The following PRKAA2 variants were observed in gnomAD, a reference collection of about 807,000 sequenced individuals.
PRKAA2 encodes the protein protein kinase AMP-activated catalytic subunit alpha 2, also known as 5'-AMP-activated protein kinase catalytic subunit alpha-2.
PRKAA2 carries 40 observed loss-of-function variants against 56.3 expected under a neutral mutation model. The ratio of observed to expected loss-of-function variants is 0.71; its 90% CI spans 0.55 to 0.92. The LOEUF is 0.92. Ranked by LOEUF, PRKAA2 falls within the 40% of genes least tolerant of loss-of-function variation. The pLI, the probability that PRKAA2 is intolerant of heterozygous loss-of-function variation, is 0.00. For synonymous variants in PRKAA2, 214 were observed against 234.2 expected (o/e 0.91, Z 0.79); for missense variants, 542 against 686.9 (o/e 0.79, Z 2.36).
rs1644386913 is a variant in PRKAA2, at chr1:56,713,874, A to G, written c.*6161A>G. On this transcript the variant is annotated 3_prime_UTR_variant, in exon 9 of 9. Coordinates refer to ENST00000371244, the MANE Select transcript of PRKAA2 (RefSeq NM_006252.4). ...AAAAAAAAAAAAAAAAAAAAACACTAAATTGTGCCTTCTCCCTTAAATTAT... is the reference window on the plus strand; with the variant it reads ...AAAAAAAAAAAAAAAAAAAAACACTGAATTGTGCCTTCTCCCTTAAATTAT... 6.7e-6 allele frequency: 1 copy of G among 148,864 alleles called. No homozygotes were observed. The highest frequency in any genetic ancestry group is 1.5e-5 in the Non-Finnish European group (1 of 67,370). The allele number at this position is 148,864 out of a possible 1,614,324, so 9.2% of individuals were successfully genotyped here.
At chr1:56,681,043 C>T (rs1189893226) in intron 2 of PRKAA2, among the ~76,000 whole-genome samples, 15 of 152,026 alleles carry the variant, frequency 9.9e-5, no homozygotes, top group Middle Eastern at 3.2e-3. Flanking sequence ...TTTTAATGAT[C>T]GCCATTCTAA....
At chr1:56,653,694 T>C (rs1329793697) in intron 1 of PRKAA2, among the ~76,000 whole-genome samples, 1 of 152,170 alleles carries the variant, frequency 6.6e-6, no homozygotes, top group Non-Finnish European at 1.5e-5. Context: ...GAGAATAATC[T>C]GTGATCTGGT....
intron 1 of PRKAA2, among the ~76,000 whole-genome samples, chr1:56,663,585 T>G (rs1293791694): frequency 2.0e-5 from 3 of 152,238 alleles, no homozygotes; most frequent in Admixed American, 6.5e-5. Context: ...TCTGCTCTTG[T>G]CTGCAGCTGA....
chr1:56,697,545 C>T (rs979569294), intron 6 of PRKAA2, among the ~76,000 whole-genome samples: 1 of 152,066 alleles, frequency 6.6e-6, no homozygotes. Context: ...TAAAAATGAA[C>T]TTAGCAGGAA....
chr1:56,672,508 C>T (rs995559786), intron 1 of PRKAA2, among the ~76,000 whole-genome samples: 6 of 152,060 alleles, frequency 3.9e-5, no homozygotes, highest in Non-Finnish European at 7.4e-5. Flanking sequence ...AGGTCACTGG[C>T]ATATGGGTGA....
chr1:56,696,017 G>A lies in PRKAA2; in HGVS notation c.646G>A (p.Asp216Asn), dbSNP rs1644256529. Residue 216 changes from aspartate (D) to asparagine (N), a missense_variant, in exon 6 of 9, where the codon GAT (aspartate) becomes AAT (asparagine). By Grantham distance (23) the Asp-to-Asn change is conservative. This residue lies in a region of PRKAA2 where 198 missense variants were observed against 234.0 expected (regional missense o/e 0.85). Transcript: ENST00000371244. Reference protein sequence around the residue: ...ALLCGTLPFDDEHVPTLFKKI... With the variant: ...ALLCGTLPFDNEHVPTLFKKI... ...TCTTTGTGGCACCCTCCCATTTGAT[G>A]ATGAGCATGTACCTACGTTATTTAA... is the stretch of plus-strand genomic sequence containing the variant. 1 of 1,612,016 alleles carries A rather than the reference G, an allele frequency of 6.2e-7. No individual in the cohort carries two copies. Among genetic ancestry groups the A allele is most frequent in the Admixed American group, 1.7e-5 (1 of 59,594 alleles).
chr1:56,657,712 G>A (rs533934005), intron 1 of PRKAA2, among the ~76,000 whole-genome samples: 49 of 152,104 alleles, frequency 3.2e-4, no homozygotes, highest in African/African-American at 1.2e-3. Flanking sequence ...TCCAGCCTGG[G>A]TGACAGAGCA....
At chr1:56,663,686 C>A (rs1210569452) in intron 1 of PRKAA2, among the ~76,000 whole-genome samples, 3 of 152,184 alleles carry the variant, frequency 2.0e-5, no homozygotes, top group Non-Finnish European at 4.4e-5. Flanking sequence ...AATCGATTGA[C>A]ATGCCTATGA....
chr1:56,671,982 C>G (rs1162872098), intron 1 of PRKAA2, among the ~76,000 whole-genome samples: 1 of 152,148 alleles, frequency 6.6e-6, no homozygotes, highest in African/African-American at 2.4e-5. Context: ...TAAAATATGA[C>G]TCCAAGAAAT....
Position 56,708,355 on chromosome 1 carries a change from G to A in PRKAA2, c.*642G>A, listed in dbSNP as rs1265311558. ...TTAAAAACAGCTGTAACTAACTCAG[G>A]ATTTTTATCTTGAGATTTCCCTGAA... On this transcript the variant is annotated 3_prime_UTR_variant, in exon 9 of 9. Coordinates refer to ENST00000371244, the MANE Select transcript of PRKAA2 (RefSeq NM_006252.4). 2 of 152,020 alleles carry A rather than the reference G, an allele frequency of 1.3e-5. No individual in the cohort carries two copies. Among genetic ancestry groups the A allele is most frequent in the Non-Finnish European group, 2.9e-5 (2 of 68,004 alleles). The allele number at this position is 152,020 out of a possible 1,614,324, so 9.4% of individuals were successfully genotyped here. A position where few individuals can be genotyped will look rare whatever the true frequency, so the allele number is the denominator to read the frequency against.
chr1:56,652,854 T>C (rs983110937), intron 1 of PRKAA2, among the ~76,000 whole-genome samples: 2 of 152,174 alleles, frequency 1.3e-5, no homozygotes, highest in African/African-American at 2.4e-5. Flanking sequence ...CACACCAACA[T>C]TGAGATAGAG....
chr1:56,645,383 C>A lies in PRKAA2; in HGVS notation c.-5C>A. 1 of 1,475,646 alleles carries A rather than the reference C, an allele frequency of 6.8e-7. No individual in the cohort carries two copies. Among genetic ancestry groups the A allele is most frequent in the Non-Finnish European group, 9.0e-7 (1 of 1,105,084 alleles). 91.4% of individuals were successfully genotyped at this position (1,475,646 alleles called of 1,614,324 possible). A position where few individuals can be genotyped will look rare whatever the true frequency, so the allele number is the denominator to read the frequency against. Reference sequence around the variant, plus strand: ...GGCGGTGGAGCGAGGCCGCGCGCGCCGAAGATGGCTGAGAAGCAGAAGCAC... The same window carrying A: ...GGCGGTGGAGCGAGGCCGCGCGCGCAGAAGATGGCTGAGAAGCAGAAGCAC... On this transcript the variant is annotated 5_prime_UTR_variant, in exon 1 of 9. Transcript: ENST00000371244.
At chr1:56,682,795 G>A (rs1324216357) in intron 2 of PRKAA2, among the ~76,000 whole-genome samples, 1 of 152,190 alleles carries the variant, frequency 6.6e-6, no homozygotes, top group African/African-American at 2.4e-5. Flanking sequence ...GGCTAATACA[G>A]TAGCCAGTGG....
At chr1:56,681,321 A>T (rs1020024137) in intron 2 of PRKAA2, among the ~76,000 whole-genome samples, 63 of 152,202 alleles carry the variant, frequency 4.1e-4, no homozygotes, top group Non-Finnish European at 6.2e-4. Flanking sequence ...ATTCACTCTG[A>T]TGGTAGTTTC....
Position 56,715,097 on chromosome 1 carries a change from G to C in PRKAA2, c.*7384G>C, listed in dbSNP as rs1644397032. 6.6e-6 allele frequency: 1 copy of C among 151,974 alleles called. No homozygotes were observed. The highest frequency in any genetic ancestry group is 1.5e-5 in the Non-Finnish European group (1 of 67,984). 9.4% of individuals were successfully genotyped at this position (151,974 alleles called of 1,614,324 possible). A position where few individuals can be genotyped will look rare whatever the true frequency, so the allele number is the denominator to read the frequency against. On this transcript the variant is annotated 3_prime_UTR_variant, in exon 9 of 9. Coordinates refer to ENST00000371244, the MANE Select transcript of PRKAA2 (RefSeq NM_006252.4). Reference sequence around the variant, plus strand: ...TCCGATTCAAATTTCAGTTTTGTTTGTTATATACTTTTTGTGAGTGTTAAA... The same window carrying C: ...TCCGATTCAAATTTCAGTTTTGTTTCTTATATACTTTTTGTGAGTGTTAAA...
At chr1:56,658,117 G>A (rs1023987686) in intron 1 of PRKAA2, among the ~76,000 whole-genome samples, 1 of 152,156 alleles carries the variant, frequency 6.6e-6, no homozygotes, top group Admixed American at 6.5e-5. Flanking sequence ...GATGCATGTT[G>A]TAATATCTGG....
chr1:56,653,307 T>A (rs945381774), intron 1 of PRKAA2, among the ~76,000 whole-genome samples: 1 of 150,870 alleles, frequency 6.6e-6, no homozygotes, highest in African/African-American at 2.4e-5. Flanking sequence ...TTGAATTGTG[T>A]CCTTAATATC....
intron 1 of PRKAA2, among the ~76,000 whole-genome samples, chr1:56,652,205 G>T (rs1480963192): frequency 1.3e-5 from 2 of 151,988 alleles, no homozygotes; most frequent in Non-Finnish European, 2.9e-5. Context: ...TAGAGATGGG[G>T]TTTCACCATG....
At chr1:56,654,463 T>G (rs1643925716) in intron 1 of PRKAA2, among the ~76,000 whole-genome samples, 1 of 152,198 alleles carries the variant, frequency 6.6e-6, no homozygotes, top group Non-Finnish European at 1.5e-5. Flanking sequence ...CAGGAAGATC[T>G]AATCTCAAAT....
Sources: allele counts gnomAD v4.1 joint callset (sites outside exome capture counted in the v4.1 genomes callset), GRCh38; gene constraint gnomAD v4.1.1; regional missense constraint gnomAD v4.1.1; transcripts MANE v1.5; gene names NCBI Gene and HGNC (gene_info 2026-07-23, HGNC 2026-07-21).